Variants in BLM observed in about 807,000 individuals in gnomAD.
BLM encodes BLM RecQ like helicase, also known as recQ-like DNA helicase BLM.
In BLM, 95 loss-of-function variants were observed where a neutral mutation model predicts 135.3. The observed-to-expected ratio is 0.70, with a 90% CI of 0.59 to 0.83. The LOEUF is 0.83. Among genes scored for constraint, BLM ranks in the 40% least tolerant of loss-of-function variants. The probability of loss-of-function intolerance (pLI) is 0.00; values close to 1 mark genes in which losing one functional copy is unlikely to be tolerated. For missense variants in BLM, 1,518 were observed against 1,663.9 expected, an observed-to-expected ratio of 0.91 and a Z score of 1.53; for synonymous variants, 520 against 589.2, an observed-to-expected ratio of 0.88 and a Z score of 1.70.
chr15:90,757,721 C>T (rs759742194), intron 5 of BLM, among the ~76,000 whole-genome samples: 7 of 151,954 alleles, frequency 4.6e-5, no homozygotes, highest in South Asian at 2.1e-4. Flanking sequence ...TAGCCTCATC[C>T]GCTTCTCTGA....
At chr15:90,766,223 T>G (rs1331784344) in intron 9 of BLM, among the ~76,000 whole-genome samples, 1 of 152,226 alleles carries the variant, frequency 6.6e-6, no homozygotes, top group Non-Finnish European at 1.5e-5. Flanking sequence ...GTAGCCATTG[T>G]TCAACCATTT....
intron 1 of BLM, among the ~76,000 whole-genome samples, chr15:90,720,403 A>G (rs751600353): frequency 1.6e-4 from 25 of 152,200 alleles, no homozygotes; most frequent in Non-Finnish European, 2.5e-4. Context: ...ATTTTATTGA[A>G]ACATATTCTC....
At chr15:90,752,081 CAAAA>C (rs140864968) in intron 4 of BLM, 135 bp downstream of exon 4, 23 of 784,596 alleles carry the variant, frequency 2.9e-5, no homozygotes, top group Non-Finnish European at 4.2e-5. Context: ...GTGAAAGCCT[CAAAA>C]AAAAACCCTG....
chr15:90,785,111 G>T lies in BLM; in HGVS notation c.2823+30G>T, dbSNP rs563576733. Reference sequence around the variant, plus strand: ...CATTTTTAAAGATAAACAAATAATAGAAATAATCTTTTATAGCATATAACC... The same window carrying T: ...CATTTTTAAAGATAAACAAATAATATAAATAATCTTTTATAGCATATAACC... On this transcript the variant is annotated intron_variant, in intron 14 of 21. Transcript: ENST00000355112. The T allele has an allele frequency of 1.7e-5, 27 of 1,599,308 alleles. 1 individual carries two copies. In the South Asian group the frequency reaches 3.0e-4, roughly 18 times the overall value.
intron 15 of BLM, among the ~76,000 whole-genome samples, chr15:90,792,581 T>C (rs1896932552): frequency 6.6e-6 from 1 of 152,144 alleles, no homozygotes; most frequent in Non-Finnish European, 1.5e-5. Flanking sequence ...TTGTAACTTT[T>C]CCCCAGGATC....
At chr15:90,778,625 A>G (rs996227827) in intron 12 of BLM, among the ~76,000 whole-genome samples, 1 of 152,138 alleles carries the variant, frequency 6.6e-6, no homozygotes, top group African/African-American at 2.4e-5. Context: ...GAATCATCCA[A>G]TATGTGATCT....
At position 90,765,630 on chromosome 15, in the gene BLM, A is replaced by G. The variant is rs1230414376; in HGVS notation, c.2193+216A>G. Among the ~76,000 whole-genome samples, 5 of 152,238 alleles carry G rather than the reference A, an allele frequency of 3.3e-5. No homozygotes were observed. In the East Asian group the frequency reaches 7.7e-4, roughly 23 times the overall value. ...TGTATCTTAGTAAGAACTTTTAACC[A>G]ATGCTATTTTTTGCTGATGTAAATT... On this transcript the variant is annotated intron_variant, in intron 9 of 21. Transcript: ENST00000355112.
At chr15:90,808,699 C>T (rs78305852) in intron 19 of BLM, 108 of 224,434 alleles carry the variant, frequency 4.8e-4, no homozygotes, top group African/African-American at 1.7e-3. Flanking sequence ...TTGGTTATGC[C>T]GTCTAGGGTG....
intron 1 of BLM, among the ~76,000 whole-genome samples, chr15:90,743,463 C>G (rs961671867): frequency 1.3e-5 from 2 of 151,948 alleles, no homozygotes; most frequent in Non-Finnish European, 2.9e-5. Context: ...TGTGAAACTT[C>G]ACTAGCCTCA....
intron 1 of BLM, among the ~76,000 whole-genome samples, chr15:90,730,828 C>T (rs796290296): frequency 2.6e-5 from 4 of 152,052 alleles, no homozygotes; most frequent in African/African-American, 4.8e-5. Flanking sequence ...AGTCTTGAGA[C>T]GATATGGTTG....
intron 7 of BLM, among the ~76,000 whole-genome samples, chr15:90,761,825 T>A (rs12438412): frequency 6.6e-6 from 1 of 152,054 alleles, no homozygotes; most frequent in African/African-American, 2.4e-5. Context: ...TAACAAATAC[T>A]AAGTAGTTCC....
rs1207341141 is a variant in BLM at position 90,811,172 on chromosome 15, T to C, written c.3875-33T>C. On this transcript the variant is annotated intron_variant, in intron 20 of 21. Coordinates refer to ENST00000355112, the MANE Select transcript of BLM (RefSeq NM_000057.4). ...TAAAAACACGTGGACCAGTGCGACA[T>C]CACCTGTAAACATCTGCATTTTCCA... is the stretch of plus-strand genomic sequence containing the variant. 3.1e-6 allele frequency: 5 copies of C among 1,609,290 alleles called. No homozygotes were observed. The Admixed American group carries it at 6.7e-5, about 21-fold the overall frequency.
chr15:90,798,094 G>C, intron 16 of BLM, 96 bp from the exon 17 acceptor site: 1 of 1,116,038 alleles, frequency 9.0e-7, no homozygotes, highest in Non-Finnish European at 1.3e-6. Context: ...GTCTGGAAAT[G>C]GGTTATGATG....
chr15:90,795,012 T>G (rs1171291907), intron 16 of BLM, among the ~76,000 whole-genome samples: 1 of 152,210 alleles, frequency 6.6e-6, no homozygotes, highest in Non-Finnish European at 1.5e-5. Flanking sequence ...TAATTCTACA[T>G]TTTAATGTCT....
At position 90,730,395 on chromosome 15, in the gene BLM, C is replaced by T. The variant is rs1005897880; in HGVS notation, c.-5+12955C>T. On this transcript the variant is annotated intron_variant, in intron 1 of 21. Coordinates refer to ENST00000355112, the MANE Select transcript of BLM (RefSeq NM_000057.4). ...CCTAAACTTCACCTTACTGTATTCT[C>T]TCTGTCAGGTTATAGAAGTTCCTTT... 3.5e-4 allele frequency among the ~76,000 whole-genome samples: 53 copies of T among 152,104 alleles called. 1 individual carries two copies. Among genetic ancestry groups the T allele is most frequent in the African/African-American group, 1.2e-3 (50 of 41,412 alleles).
chr15:90,753,751 A>T (rs1310904054), intron 4 of BLM, among the ~76,000 whole-genome samples: 1 of 152,186 alleles, frequency 6.6e-6, no homozygotes, highest in African/African-American at 2.4e-5. Context: ...GAGAAGAGAG[A>T]CCTGTTTTTC....
chr15:90,760,347 C>T (rs1895940141), intron 6 of BLM, 68 bp downstream of exon 6: 33 of 1,595,900 alleles, frequency 2.1e-5, no homozygotes, highest in Non-Finnish European at 2.8e-5. Flanking sequence ...GAAAAATGGA[C>T]AGGGCAAAAT....
chr15:90,797,552 G>T (rs1897059631), intron 16 of BLM, among the ~76,000 whole-genome samples: 2 of 152,006 alleles, frequency 1.3e-5, no homozygotes. Flanking sequence ...TTCATCTCCA[G>T]GTTATTGGTG....
intron 4 of BLM, among the ~76,000 whole-genome samples, chr15:90,754,121 A>G (rs1482577253): frequency 1.3e-5 from 2 of 152,182 alleles, no homozygotes; most frequent in African/African-American, 4.8e-5. Context: ...CTTAAATCTT[A>G]TCTCCTTGGC....
Sources: allele counts gnomAD v4.1 joint callset (sites outside exome capture counted in the v4.1 genomes callset), GRCh38; gene constraint gnomAD v4.1.1; transcripts MANE v1.5; gene names NCBI Gene and HGNC (gene_info 2026-07-23, HGNC 2026-07-21).